SH3RF1: variants seen among roughly 807,000 people sequenced by gnomAD.
The protein encoded by SH3RF1 is E3 ubiquitin-protein ligase SH3RF1.
A neutral mutation model predicts 74.0 loss-of-function variants in SH3RF1; 32 were observed. The observed-to-expected ratio is 0.43, with a 90% CI of 0.33 to 0.58. The LOEUF is 0.58. SH3RF1 is among the 20% of genes least tolerant of loss of function. SH3RF1 has a pLI of 0.05. For synonymous variants in SH3RF1, 396 were observed against 439.6 expected (o/e 0.90, Z 1.24); for missense variants, 954 against 1,130.9 (o/e 0.84, Z 2.24).
At chr4:169,141,349 T>C (rs1353952266) in intron 4 of SH3RF1, among the ~76,000 whole-genome samples, 1 of 152,238 alleles carries the variant, frequency 6.6e-6, no homozygotes, top group East Asian at 1.9e-4. Context: ...AGGGATAGGC[T>C]GATAGCATGG....
At chr4:169,120,645 GC>G (rs1347231869) in intron 8 of SH3RF1, among the ~76,000 whole-genome samples, 173 bp downstream of exon 8, 7 of 152,188 alleles carry the variant, frequency 4.6e-5, no homozygotes, top group Non-Finnish European at 1.0e-4. Flanking sequence ...GTGAAAATAA[GC>G]TAAAAATTTT....
chr4:169,100,373 C>T (rs751654748), intron 11 of SH3RF1, among the ~76,000 whole-genome samples: 4 of 152,126 alleles, frequency 2.6e-5, no homozygotes, highest in Non-Finnish European at 5.9e-5. Flanking sequence ...CTGAGTTTCG[C>T]TCTTGTCACC....
intron 2 of SH3RF1, among the ~76,000 whole-genome samples, chr4:169,263,719 G>C (rs1190117739): frequency 6.6e-6 from 1 of 152,136 alleles, no homozygotes; most frequent in Non-Finnish European, 1.5e-5. Context: ...TAATGCCTTA[G>C]GTACTACTGA....
intron 11 of SH3RF1, among the ~76,000 whole-genome samples, chr4:169,099,156 A>AGCTAC (rs1732976450): frequency 3.3e-5 from 5 of 152,222 alleles, no homozygotes; most frequent in Admixed American, 3.3e-4. Flanking sequence ...GCAGTGATGC[A>AGCTAC]ATCACAGCTC....
At chr4:169,183,028 G>A (rs1335431693) in intron 2 of SH3RF1, among the ~76,000 whole-genome samples, 3 of 152,052 alleles carry the variant, frequency 2.0e-5, no homozygotes, top group Admixed American at 6.5e-5. Flanking sequence ...GGCGGGGTGC[G>A]GGCATGGTGG....
intron 6 of SH3RF1, among the ~76,000 whole-genome samples, chr4:169,122,806 C>G (rs1733463353): frequency 6.6e-6 from 1 of 152,034 alleles, no homozygotes; most frequent in Non-Finnish European, 1.5e-5. Context: ...ATTGTTGCTA[C>G]TTTTGCTTAT....
intron 2 of SH3RF1, among the ~76,000 whole-genome samples, chr4:169,247,533 G>A (rs1344786037): frequency 6.6e-6 from 1 of 152,158 alleles, no homozygotes; most frequent in East Asian, 1.9e-4. Flanking sequence ...CTGAGAGTCT[G>A]GAATCTAGAT....
At chr4:169,226,371 T>C (rs754833230) in intron 2 of SH3RF1, among the ~76,000 whole-genome samples, 7 of 152,214 alleles carry the variant, frequency 4.6e-5, no homozygotes, top group Non-Finnish European at 1.0e-4. Context: ...TTCATCACAG[T>C]TGTCGTGTCT....
In SH3RF1 at chr4:169,121,926, T is replaced by C. The variant is rs566017648; in HGVS notation, c.1346+174A>G. Among the ~76,000 whole-genome samples the C allele has an allele frequency of 3.9e-5, 6 of 152,380 alleles. No homozygotes were observed. The South Asian group carries it at 8.3e-4, about 21-fold the overall frequency. On this transcript the variant is annotated intron_variant, in intron 7 of 11. Transcript: ENST00000284637. The stretch of plus-strand genomic sequence containing the variant: ...AAGCTCATGTATCAGACTGATTTTC[T>C]TTCAGCAGTTCCCTAGTTACATGCA...
chr4:169,213,413 C>T (rs1418535591), intron 2 of SH3RF1, among the ~76,000 whole-genome samples: 1 of 152,176 alleles, frequency 6.6e-6, no homozygotes, highest in Non-Finnish European at 1.5e-5. Flanking sequence ...GTACATTGTA[C>T]ATTTTAGCTA....
At chr4:169,269,766 C>T (rs1267926948) in intron 1 of SH3RF1, 4 of 152,390 alleles carry the variant, frequency 2.6e-5, no homozygotes, top group African/African-American at 9.7e-5. Context: ...AGAAACCATG[C>T]CTCATGTAAT....
chr4:169,097,821 A>G (rs1732956542), intron 11 of SH3RF1, among the ~76,000 whole-genome samples: 3 of 152,240 alleles, frequency 2.0e-5, no homozygotes, highest in African/African-American at 2.4e-5. Flanking sequence ...AGGCTAGATC[A>G]TAAAAGGCAT....
intron 2 of SH3RF1, among the ~76,000 whole-genome samples, chr4:169,206,398 G>T (rs975901206): frequency 6.6e-6 from 1 of 152,176 alleles, no homozygotes; most frequent in African/African-American, 2.4e-5. Flanking sequence ...CTGGGGGAAG[G>T]GGGGTGGTTC....
In SH3RF1 at chr4:169,248,533, T is replaced by C. The variant is rs1389687814; in HGVS notation, c.393+20287A>G. Among the ~76,000 whole-genome samples, 3 of 152,152 alleles carry C rather than the reference T, an allele frequency of 2.0e-5. No individual in the cohort carries two copies. The East Asian group carries it at 5.8e-4, about 29-fold the overall frequency. On this transcript the variant is annotated intron_variant, in intron 2 of 11. Transcript: ENST00000284637. ...GGAGAACATTAGGACAAATACCTAATGCACGCCAGGCTTAAAATCTAGATG... is the reference window on the plus strand; with the variant it reads ...GGAGAACATTAGGACAAATACCTAACGCACGCCAGGCTTAAAATCTAGATG...
chr4:169,178,529 TGGACA>T (rs575054897), intron 2 of SH3RF1, among the ~76,000 whole-genome samples: 108 of 152,078 alleles, frequency 7.1e-4, no homozygotes, highest in African/African-American at 2.5e-3. Flanking sequence ...CAGACCTGGG[TGGACA>T]GGGCTCTGGA....
At chr4:169,196,765 C>T (rs1259779216) in intron 2 of SH3RF1, among the ~76,000 whole-genome samples, 3 of 152,134 alleles carry the variant, frequency 2.0e-5, no homozygotes, top group African/African-American at 7.2e-5. Flanking sequence ...ACTTGCTCTA[C>T]CATTACAGAA....
chr4:169,155,950 C>G, intron 3 of SH3RF1, among the ~76,000 whole-genome samples: 1 of 152,158 alleles, frequency 6.6e-6, no homozygotes, highest in East Asian at 1.9e-4. Flanking sequence ...TACATCCTAC[C>G]GCTTTTCTCC....
rs776960055 is a variant in SH3RF1 at position 169,122,100 on chromosome 4, A to G, written c.1346T>C (p.Val449Ala). ...AHLRPQTRPS[V>A]YVAIYPYTPR... ...AGTAACAGACGACACGCTCACTTAC[A>G]CACTGGGGCGAGTCTGCGGCCGTAA... The change falls in exon 7 of 12, where the codon GTG becomes GCG. Residue 449 changes from valine to alanine, a missense_variant and splice_region_variant. Physicochemically the swap from Val to Ala is moderately conservative, Grantham distance 64 (BLOSUM62 0). Transcript: ENST00000284637. The G allele has an allele frequency of 6.2e-7, 1 of 1,612,248 alleles. No homozygotes were observed.
chr4:169,210,691 GACTGT>G (rs1207203887), intron 2 of SH3RF1, among the ~76,000 whole-genome samples: 2 of 152,208 alleles, frequency 1.3e-5, no homozygotes, highest in Non-Finnish European at 2.9e-5. Flanking sequence ...TGTGTAAAAA[GACTGT>G]AAACTACCCT....
Sources: allele counts gnomAD v4.1 joint callset (sites outside exome capture counted in the v4.1 genomes callset), GRCh38; gene constraint gnomAD v4.1.1; transcripts MANE v1.5; gene names NCBI Gene and HGNC (gene_info 2026-07-23, HGNC 2026-07-21).